Variants in YAF2 observed in about 807,000 individuals in gnomAD.
YAF2 encodes YY1-associated factor 2.
A neutral mutation model predicts 20.1 loss-of-function variants in YAF2; 7 were observed. That is an observed-to-expected ratio of 0.35 (90% CI 0.20 to 0.65). YAF2 has a LOEUF of 0.65. YAF2 is among the 30% of genes least tolerant of loss of function. YAF2 has a pLI of 0.69. For missense variants in YAF2, 151 were observed against 219.2 expected (o/e 0.69, Z 1.96); for synonymous variants, 74 against 76.0 (o/e 0.97, Z 0.14).
At chr12:42,211,040 C>A (rs935632607) in intron 2 of YAF2, among the ~76,000 whole-genome samples, 4 of 152,152 alleles carry the variant, frequency 2.6e-5, no homozygotes, top group Non-Finnish European at 1.5e-5. Flanking sequence ...CATTAACATT[C>A]ACTAGATTTT....
At chr12:42,170,627 T>A (rs1348077132) in intron 2 of YAF2, among the ~76,000 whole-genome samples, 2 of 152,142 alleles carry the variant, frequency 1.3e-5, no homozygotes, top group African/African-American at 4.8e-5. Context: ...CTGGGCAATA[T>A]GGTGAAACCC....
intron 2 of YAF2, among the ~76,000 whole-genome samples, chr12:42,168,139 T>C (rs1396774534): frequency 1.3e-5 from 2 of 152,048 alleles, no homozygotes; most frequent in Non-Finnish European, 2.9e-5. Flanking sequence ...CTGACAAACT[T>C]TCCCATCACG....
chr12:42,236,930 CAATA>C (rs1450906444), intron 2 of YAF2, among the ~76,000 whole-genome samples: 3 of 152,128 alleles, frequency 2.0e-5, no homozygotes, highest in Non-Finnish European at 4.4e-5. Context: ...TGCAAGCTTA[CAATA>C]AATAAAGTCT....
chr12:42,213,408 A>G (rs1291223093), intron 2 of YAF2, among the ~76,000 whole-genome samples: 7 of 152,260 alleles, frequency 4.6e-5, no homozygotes, highest in Non-Finnish European at 4.4e-5. Flanking sequence ...TATATTATTT[A>G]AATTAATCTG....
intron 2 of YAF2, among the ~76,000 whole-genome samples, chr12:42,203,976 G>A (rs577837843): frequency 1.3e-5 from 2 of 152,108 alleles, no homozygotes; most frequent in South Asian, 4.2e-4. Flanking sequence ...ATTGCTTGAG[G>A]CCAGTTTGAA....
intron 2 of YAF2, among the ~76,000 whole-genome samples, chr12:42,182,883 C>A (rs893020839): frequency 6.6e-6 from 1 of 152,144 alleles, no homozygotes; most frequent in Non-Finnish European, 1.5e-5. Flanking sequence ...AGCATGAACA[C>A]AAGAGCACAT....
At chr12:42,230,332 A>G (rs995605189) in intron 2 of YAF2, among the ~76,000 whole-genome samples, 2 of 152,152 alleles carry the variant, frequency 1.3e-5, no homozygotes, top group Admixed American at 6.5e-5. Flanking sequence ...TATGATAAAA[A>G]TAATTCAGTG....
chr12:42,207,386 G>C (rs1303597865), intron 2 of YAF2, among the ~76,000 whole-genome samples: 2 of 152,046 alleles, frequency 1.3e-5, no homozygotes, highest in Non-Finnish European at 2.9e-5. Flanking sequence ...TTTCCACTTT[G>C]TTTTCTAACA....
chr12:42,184,900 G>C (rs1004654157), intron 2 of YAF2, among the ~76,000 whole-genome samples: 1 of 152,232 alleles, frequency 6.6e-6, no homozygotes, highest in Non-Finnish European at 1.5e-5. Context: ...AATTAGGCCG[G>C]TGTGGTGGCT....
intron 2 of YAF2, chr12:42,233,911 C>T (rs2068055280): frequency 2.0e-6 from 2 of 985,426 alleles, no homozygotes; most frequent in South Asian, 9.4e-5. Context: ...TGTCTCACTC[C>T]TGTAATCCCA....
chr12:42,194,472 C>T (rs1224323023), intron 2 of YAF2, among the ~76,000 whole-genome samples: 3 of 152,084 alleles, frequency 2.0e-5, no homozygotes, highest in Admixed American at 6.6e-5. Context: ...GGTGAAAACC[C>T]GTCTCTACTA....
intron 2 of YAF2, among the ~76,000 whole-genome samples, chr12:42,165,774 T>G (rs1028657143): frequency 5.2e-5 from 2 of 38,404 alleles, no homozygotes; most frequent in Admixed American, 2.9e-4. Flanking sequence ...CCCGGCCAGG[T>G]TTTTTTTTTT....
chr12:42,198,266 G>A (rs959625184), intron 2 of YAF2, among the ~76,000 whole-genome samples: 1 of 152,106 alleles, frequency 6.6e-6, no homozygotes, highest in Admixed American at 6.5e-5. Flanking sequence ...CTTTTTATCA[G>A]AGCTGATATT....
At chr12:42,181,143 T>C (rs777199618) in intron 2 of YAF2, among the ~76,000 whole-genome samples, 10 of 152,154 alleles carry the variant, frequency 6.6e-5, no homozygotes, top group Non-Finnish European at 1.3e-4. Flanking sequence ...ACATTCAGAG[T>C]GGGACAAGCT....
intron 2 of YAF2, among the ~76,000 whole-genome samples, chr12:42,171,607 A>AG (rs2066050527): frequency 6.6e-6 from 1 of 152,182 alleles, no homozygotes; most frequent in African/African-American, 2.4e-5. Context: ...ACAGACTACA[A>AG]GCAAAAGGGC....
At chr12:42,223,710 T>C (rs1277595230) in intron 2 of YAF2, among the ~76,000 whole-genome samples, 1 of 151,908 alleles carries the variant, frequency 6.6e-6, no homozygotes, top group East Asian at 1.9e-4. Flanking sequence ...AAAGGATGAG[T>C]TCATGTCCTT....
Position 42,158,700 on chromosome 12 carries a change from A to G in YAF2, c.*1889T>C, listed in dbSNP as rs751421238. On this transcript the variant is annotated 3_prime_UTR_variant, in exon 4 of 4. Transcript: ENST00000534854. ...AAGATGAGTATCTTCCCACCTATGT[A>G]GAAATATGAGTATGCTCCATTCAGG... 1 of 152,202 alleles carries G rather than the reference A, an allele frequency of 6.6e-6. No individual in the cohort carries two copies. Among genetic ancestry groups the G allele is most frequent in the African/African-American group, 2.4e-5 (1 of 41,454 alleles). 9.4% of individuals were successfully genotyped at this position (152,202 alleles called of 1,614,324 possible). A position where few individuals can be genotyped will look rare whatever the true frequency, so the allele number is the denominator to read the frequency against.
chr12:42,161,416 A>G, intron 3 of YAF2, 197 bp downstream of exon 3: 1 of 471,532 alleles, frequency 2.1e-6, no homozygotes, highest in Non-Finnish European at 3.4e-6. Context: ...AAGCATCATC[A>G]CATTTAAGCT....
rs540675236 is a variant in YAF2 at position 42,232,358 on chromosome 12, C to A, written c.152+5241G>T. The A allele has an allele frequency of 6.7e-6, 6 of 890,138 alleles. No homozygotes were observed. The South Asian group carries it at 2.6e-4, about 38-fold the overall frequency. The allele number at this position is 890,138 out of a possible 1,614,324, so 55.1% of individuals were successfully genotyped here. On this transcript the variant is annotated intron_variant, in intron 2 of 3. Coordinates refer to ENST00000534854, the MANE Select transcript of YAF2 (RefSeq NM_005748.6). ...ACAGTGTGAACCTCATAGAAAGCTT[C>A]AACTAAAAAGATCTCAGGGACTCTC...
Sources: gnomAD v4.1 joint callset for allele counts (sites outside exome capture counted in the v4.1 genomes callset) on GRCh38, gnomAD v4.1.1 for gene constraint, MANE v1.5 for transcripts, NCBI Gene and HGNC (gene_info 2026-07-23, HGNC 2026-07-21) for gene names.